Variants in DLL4 observed in about 807,000 individuals in gnomAD.
DLL4 encodes delta-like protein 4.
DLL4 carries 7 observed loss-of-function variants against 73.6 expected under a neutral mutation model. That is an observed-to-expected ratio of 0.10 (90% CI 0.05 to 0.18). The LOEUF is 0.18. Among genes scored for constraint, DLL4 ranks in the 10% least tolerant of loss-of-function variants. The probability of loss-of-function intolerance (pLI) is 1.00; values close to 1 mark genes in which losing one functional copy is unlikely to be tolerated. For synonymous variants in DLL4, 345 were observed against 374.3 expected (o/e 0.92, Z 0.90); for missense variants, 614 against 929.9 (o/e 0.66, Z 4.42).
At position 40,938,133 on chromosome 15, in the gene DLL4, A is replaced by G; in HGVS notation, c.*99A>G. The G allele has an allele frequency of 7.5e-7, 1 of 1,327,150 alleles. No homozygotes were observed. Among genetic ancestry groups the G allele is most frequent in the Non-Finnish European group, 1.0e-6 (1 of 998,846 alleles). 82.2% of individuals were successfully genotyped at this position (1,327,150 alleles called of 1,614,324 possible). Reference sequence around the variant, plus strand: ...CTGGATGGGACGTTTTTCATATGCAACGTGCTGCTCTCAGGAGGAGGAGGG... The same window carrying G: ...CTGGATGGGACGTTTTTCATATGCAGCGTGCTGCTCTCAGGAGGAGGAGGG... On this transcript the variant is annotated 3_prime_UTR_variant, in exon 11 of 11. Coordinates refer to ENST00000249749, the MANE Select transcript of DLL4 (RefSeq NM_019074.4).
At chr15:40,931,862 G>A in intron 4 of DLL4, 96 bp downstream of exon 4, 1 of 1,478,604 alleles carries the variant, frequency 6.8e-7, no homozygotes, top group Admixed American at 2.0e-5. Context: ...TTGAAGAGTG[G>A]GTCTGGGCCT....
In DLL4 at chr15:40,931,549, C is replaced by G. The variant is rs1463054858; in HGVS notation, c.441C>G (p.Gly147=). 1.9e-6 allele frequency: 3 copies of G among 1,610,464 alleles called. No homozygotes were observed. The African/African-American group carries it at 4.0e-5, about 22-fold the overall frequency. The change falls in exon 4 of 11, where the codon GGC becomes GGG. Residue 147 remains glycine (G), a synonymous_variant. Transcript: ENST00000249749. ...TCATCAGCAAGATCGCCATCCAGGG[C>G]TCCCTAGCTGTGGGTCAGAACTGGT... ...DALISKIAIQ[G]SLAVGQNWLL... is the part of the protein sequence containing the mutation.
Position 40,930,160 on chromosome 15 carries a change from G to C in DLL4, c.336+44G>C. 2 of 1,582,596 alleles carry C rather than the reference G, an allele frequency of 1.3e-6. No individual in the cohort carries two copies. The highest frequency in any genetic ancestry group is 1.7e-6 in the Non-Finnish European group (2 of 1,165,024). ...CACTGGGAGGTCGCAGAAGCCGAGAGAGGAGGCGCCCTGGGACCAAAGCCC... is the reference window on the plus strand; with the variant it reads ...CACTGGGAGGTCGCAGAAGCCGAGACAGGAGGCGCCCTGGGACCAAAGCCC... On this transcript the variant is annotated intron_variant, in intron 2 of 10. Transcript: ENST00000249749. The surrounding 1 kb of genome is among the most constrained non-coding windows in gnomAD (Gnocchi z 5.7).
At chr15:40,931,181 T>C (rs766837917) in intron 3 of DLL4, 16 of 434,738 alleles carry the variant, frequency 3.7e-5, no homozygotes, top group Admixed American at 8.0e-5. Context: ...TTTCTTTCTT[T>C]TTCTCTTTTT....
chr15:40,930,214 C>G lies in DLL4; in HGVS notation c.336+98C>G, dbSNP rs1676332434. The G allele has an allele frequency of 1.4e-6, 2 of 1,413,702 alleles. No homozygotes were observed. Among genetic ancestry groups the G allele is most frequent in the Middle Eastern group, 2.0e-4 (1 of 4,886 alleles). 87.6% of individuals were successfully genotyped at this position (1,413,702 alleles called of 1,614,324 possible). A position where few individuals can be genotyped will look rare whatever the true frequency, so the allele number is the denominator to read the frequency against. ...CCCCAGATTTCCTTGTACACACACCCCCACCCCCAAAAAGCCCAGGATGCA... is the reference window on the plus strand; with the variant it reads ...CCCCAGATTTCCTTGTACACACACCGCCACCCCCAAAAAGCCCAGGATGCA... On this transcript the variant is annotated intron_variant, in intron 2 of 10. Transcript: ENST00000249749. The surrounding 1 kb of genome is among the most constrained non-coding windows in gnomAD (Gnocchi z 5.7).
At chr15:40,931,075 G>C (rs1892763334) in intron 3 of DLL4, 1 of 367,484 alleles carries the variant, frequency 2.7e-6, no homozygotes. Flanking sequence ...CTTTGAAAAG[G>C]AAAAAAGAAA....
chr15:40,937,996 T>C, intron 10 of DLL4, 33 bp from the exon 11 acceptor site: 1 of 1,602,490 alleles, frequency 6.2e-7, no homozygotes. Flanking sequence ...ATGCCCAGGG[T>C]AACCTGTTTC....
At chr15:40,933,955 G>T (rs1473003988) in intron 6 of DLL4, among the ~76,000 whole-genome samples, 7 of 142,432 alleles carry the variant, frequency 4.9e-5, no homozygotes, top group Non-Finnish European at 7.5e-5. Context: ...AGTAGAGCTT[G>T]CAGTGAGCCG....
Position 40,932,308 on chromosome 15 carries a change from G to T in DLL4, c.720-9G>T, listed in dbSNP as rs377685381. 25 of 1,613,880 alleles carry T rather than the reference G, an allele frequency of 1.5e-5. No individual in the cohort carries two copies. The African/African-American group carries it at 3.2e-4, about 21-fold the overall frequency. ...TCTCACCTCACTCTGCCTCTCTCTT[G>T]TTCCCCAGCTGCCGCCCAGGCTGGC... On this transcript the variant is annotated splice_polypyrimidine_tract_variant and intron_variant, in intron 5 of 10. Coordinates refer to ENST00000249749, the MANE Select transcript of DLL4 (RefSeq NM_019074.4).
rs1261692534 is a variant in DLL4 at position 40,936,888 on chromosome 15, G to C, written c.1901G>C (p.Ser634Thr). Residue 634 changes from serine to threonine, a missense_variant, in exon 9 of 11, where the codon AGT (serine) becomes ACT (threonine). Ser to Thr is a moderately conservative substitution (Grantham distance 58). This residue lies in a region of DLL4 where 386 missense variants were observed against 541.3 expected (regional missense o/e 0.71). Coordinates refer to ENST00000249749, the MANE Select transcript of DLL4 (RefSeq NM_019074.4). The part of the protein sequence containing the change: ...RGTMPGKFPH[S>T]DKSLGEKAPL... ...ACCATGCCAGGAAAGTTTCCCCACA[G>C]TGACAAGAGCTTAGGAGAGAAGGCG... is the stretch of plus-strand genomic sequence containing the variant. 6.2e-7 allele frequency: 1 copy of C among 1,612,678 alleles called. No individual in the cohort carries two copies. Among genetic ancestry groups the C allele is most frequent in the South Asian group, 1.1e-5 (1 of 91,058 alleles).
At position 40,936,607 on chromosome 15, in the gene DLL4, G is replaced by A; in HGVS notation, c.1620G>A (p.Val540=). 6.2e-7 allele frequency: 1 copy of A among 1,610,386 alleles called. No individual in the cohort carries two copies. The highest frequency in any genetic ancestry group is 8.5e-7 in the Non-Finnish European group (1 of 1,178,916). The part of the protein sequence containing the change: ...VAVSLGVGLA[V]LLVLLGMVAV... Reference sequence around the variant, plus strand: ...TCTCGCTGGGTGTGGGGCTGGCAGTGCTGCTGGTACTGCTGGGCATGGTGG... The same window carrying A: ...TCTCGCTGGGTGTGGGGCTGGCAGTACTGCTGGTACTGCTGGGCATGGTGG... Residue 540 remains valine (V), a synonymous_variant, in exon 9 of 11, where the codon GTG becomes GTA. Transcript: ENST00000249749.
intron 4 of DLL4, 41 bp from the exon 5 acceptor site, chr15:40,932,130 T>C: frequency 1.2e-6 from 2 of 1,611,944 alleles, no homozygotes; most frequent in African/African-American, 2.7e-5. Context: ...TTAAGAGTCC[T>C]TGGTATCCCA....
chr15:40,937,274 T>A, intron 9 of DLL4, 144 bp from the exon 10 acceptor site: 1 of 684,694 alleles, frequency 1.5e-6, no homozygotes, highest in Non-Finnish European at 2.6e-6. Flanking sequence ...AGTGCCCCCC[T>A]GCAGCAGCCC....
In DLL4 at chr15:40,936,702, C is replaced by T. The variant is rs771978335; in HGVS notation, c.1715C>T (p.Ser572Leu). The T allele has an allele frequency of 1.2e-5, 19 of 1,613,574 alleles. No homozygotes were observed. Among genetic ancestry groups the T allele is most frequent in the African/African-American group, 2.7e-5 (2 of 74,916 alleles). Residue 572 changes from serine to leucine, a missense_variant, in exon 9 of 11, where the codon TCG (serine) becomes TTG (leucine). Transcript: ENST00000249749. ...AGCAGGGAAGCCATGAACAACTTGT[C>T]GGACTTCCAGAAGGACAACCTGATT... ...DGSREAMNNL[S>L]DFQKDNLIPA...
Position 40,934,823 on chromosome 15 carries a change from G to A in DLL4, c.1021-75G>A, listed in dbSNP as rs3212280. ...CAGCCATGGACAGGCATTGTGGGCA[G>A]GTGGAGCCCAGCCTTCAGTCACACA... On this transcript the variant is annotated intron_variant, in intron 7 of 10. Coordinates refer to ENST00000249749, the MANE Select transcript of DLL4 (RefSeq NM_019074.4). 12,952 of 1,585,894 alleles carry A rather than the reference G, an allele frequency of 8.2e-3. 88 individuals are homozygous for A. The highest frequency in any genetic ancestry group is 0.026 in the Middle Eastern group (152 of 5,892).
rs371550881 is a variant in DLL4 at position 40,936,445 on chromosome 15, G to A, written c.1458G>A (p.Ser486=). ...EVRTSIDACA[S]SPCFNRATCY... ...GGACATCCATCGATGCCTGTGCCTC[G>A]AGTCCCTGCTTCAACAGGGCCACCT... Residue 486 remains serine, a synonymous_variant, in exon 9 of 11, where the codon TCG becomes TCA. Transcript: ENST00000249749. 29 of 1,610,950 alleles carry A rather than the reference G, an allele frequency of 1.8e-5. No individual in the cohort carries two copies. In the East Asian group the frequency reaches 3.1e-4, roughly 17 times the overall value.
In DLL4 at chr15:40,934,731, C is replaced by T. The variant is rs372257089; in HGVS notation, c.1020+14C>T. On this transcript the variant is annotated intron_variant, in intron 7 of 10. Coordinates refer to ENST00000249749, the MANE Select transcript of DLL4 (RefSeq NM_019074.4). ...GGCAGCTGTAAGGTGAGGCCCAGAC[C>T]AGCGCAGGAAGACAGAGGTGTCAGG... 489 of 1,611,436 alleles carry T rather than the reference C, an allele frequency of 3.0e-4. No individual in the cohort carries two copies. The highest frequency in any genetic ancestry group is 4.0e-4 in the Non-Finnish European group (471 of 1,178,248).
chr15:40,935,415 G>A lies in DLL4; in HGVS notation c.1240+298G>A, dbSNP rs147208452. Among the ~76,000 whole-genome samples, 109 of 152,378 alleles carry A rather than the reference G, an allele frequency of 7.2e-4. 3 individuals carry two copies. In the East Asian group the frequency reaches 0.019, roughly 27 times the overall value. On this transcript the variant is annotated intron_variant, in intron 8 of 10. Transcript: ENST00000249749. ...GACCCTCCCCAGGAAGTCCTGAGCT[G>A]GAGAGAGGGATGTTGGAGGCTTCAT... is the stretch of plus-strand genomic sequence containing the variant.
Position 40,938,704 on chromosome 15 carries a change from A to G in DLL4, c.*670A>G, listed in dbSNP as rs1892878794. 6.6e-6 allele frequency: 1 copy of G among 152,622 alleles called. No homozygotes were observed. The highest frequency in any genetic ancestry group is 2.4e-5 in the African/African-American group (1 of 41,456). The allele number at this position is 152,622 out of a possible 1,614,324, so 9.5% of individuals were successfully genotyped here. The stretch of plus-strand genomic sequence containing the variant: ...TGGCCCTGGGCTTCTGTAAGCAGAC[A>G]GGCAGAGGGCCTGCCCCTCCCACCA... On this transcript the variant is annotated 3_prime_UTR_variant, in exon 11 of 11. Transcript: ENST00000249749.
Sources: gnomAD v4.1 joint callset for allele counts (sites outside exome capture counted in the v4.1 genomes callset) on GRCh38, gnomAD v4.1.1 for gene constraint, gnomAD v4.1.1 regional missense constraint, Gnocchi (gnomAD v3.1) non-coding constraint, MANE v1.5 for transcripts, NCBI Gene and HGNC (gene_info 2026-07-23, HGNC 2026-07-21) for gene names.